PRKAR1A: variants seen among roughly 807,000 people sequenced by gnomAD.
PRKAR1A encodes cAMP-dependent protein kinase type I-alpha regulatory subunit.
PRKAR1A carries 3 observed loss-of-function variants against 52.0 expected under a neutral mutation model. The observed-to-expected ratio is 0.06, with a 90% CI of 0.03 to 0.15. The LOEUF (loss-of-function observed/expected upper bound fraction) is 0.15. Ranked by LOEUF, PRKAR1A falls within the 10% of genes least tolerant of loss-of-function variation. PRKAR1A has a pLI of 1.00. For missense variants in PRKAR1A, 240 were observed against 477.4 expected (o/e 0.50, Z 4.63); for synonymous variants, 188 against 168.4 (o/e 1.12, Z -0.90).
the PRKAR1A span, chr17:68,429,918 G>A: frequency 1.3e-6 from 2 of 1,595,900 alleles, no homozygotes; most frequent in Admixed American, 3.6e-5. Context: ...TTCTTTTCAG[G>A]TTTGGGGATT....
chr17:68,530,888 C>T lies in PRKAR1A; in HGVS notation c.*439C>T, dbSNP rs927653095. ...TTTCTTTGTAGAATAAATGGTTTCT[C>T]ATTAAACTCTAAAGATTAGGGAAAA... is the stretch of plus-strand genomic sequence containing the variant. On this transcript the variant is annotated 3_prime_UTR_variant, in exon 11 of 11. Transcript: ENST00000589228. 3.5e-6 allele frequency: 4 copies of T among 1,130,260 alleles called. No individual in the cohort carries two copies. Among genetic ancestry groups the T allele is most frequent in the East Asian group, 4.1e-5 (1 of 24,566 alleles). 70.0% of individuals were successfully genotyped at this position (1,130,260 alleles called of 1,614,324 possible).
intron 1 of PRKAR1A, among the ~76,000 whole-genome samples, chr17:68,514,065 T>C (rs1446375204): frequency 6.6e-6 from 1 of 152,206 alleles, no homozygotes; most frequent in Non-Finnish European, 1.5e-5. Context: ...AATGCGCGTT[T>C]TTGTTTTTGT....
At chr17:68,536,999 T>C (rs774195501), downstream of PRKAR1A, 1 of 454,748 alleles carries the variant, frequency 2.2e-6, no homozygotes, top group East Asian at 6.9e-5. Flanking sequence ...CTGTCAGAGT[T>C]ACTGTTGCCT....
At chr17:68,502,678 G>A in the PRKAR1A span, among the ~76,000 whole-genome samples, 1 of 151,374 alleles carries the variant, frequency 6.6e-6, no homozygotes, top group African/African-American at 2.4e-5. Context: ...CTTGAACCTG[G>A]GAGGTGGAGG....
At chr17:68,426,262 A>G in the PRKAR1A span, 5 of 1,017,754 alleles carry the variant, frequency 4.9e-6, no homozygotes, top group East Asian at 2.5e-5. Flanking sequence ...GGGCTCAAAT[A>G]AAGGGCAAAG....
At chr17:68,514,519 G>T (rs2085368753) in intron 1 of PRKAR1A, among the ~76,000 whole-genome samples, 1 of 152,044 alleles carries the variant, frequency 6.6e-6, no homozygotes, top group African/African-American at 2.4e-5. Context: ...TTACATAAAG[G>T]TACCATAATT....
downstream of PRKAR1A, chr17:68,536,701 G>A (rs897602539): frequency 1.1e-5 from 5 of 453,860 alleles, no homozygotes; most frequent in Non-Finnish European, 2.2e-5. Flanking sequence ...TGCTAGGCCT[G>A]TTCCCATGCC....
At chr17:68,483,647 A>G in the PRKAR1A span, among the ~76,000 whole-genome samples, 1 of 152,200 alleles carries the variant, frequency 6.6e-6, no homozygotes, top group Non-Finnish European at 1.5e-5. Context: ...GGATCACCTG[A>G]GGTCAGGAGT....
At chr17:68,466,398 G>GT in the PRKAR1A span, among the ~76,000 whole-genome samples, 2 of 142,356 alleles carry the variant, frequency 1.4e-5, no homozygotes, top group South Asian at 4.5e-4. Flanking sequence ...TGTTATTTAT[G>GT]TTTTCTCTCT....
downstream of PRKAR1A, among the ~76,000 whole-genome samples, chr17:68,534,843 G>A (rs2086059662): frequency 6.6e-6 from 1 of 152,070 alleles, no homozygotes; most frequent in Admixed American, 6.6e-5. Context: ...TGTATTGATC[G>A]GTCAATAAAA....
At chr17:68,475,058 C>G in the PRKAR1A span, among the ~76,000 whole-genome samples, 1 of 152,154 alleles carries the variant, frequency 6.6e-6, no homozygotes, top group African/African-American at 2.4e-5. Flanking sequence ...ATTTAATGCA[C>G]TTTTAGCATA....
At chr17:68,424,343 G>A in the PRKAR1A span, 1 of 485,040 alleles carries the variant, frequency 2.1e-6, no homozygotes, top group South Asian at 1.5e-5. Context: ...CCCCAGCCCT[G>A]CATGCAGGGC....
the PRKAR1A span, among the ~76,000 whole-genome samples, chr17:68,450,210 G>A: frequency 0.022 from 3,335 of 152,236 alleles, 106 homozygotes; most frequent in African/African-American, 0.075. Context: ...AAAGAAAAAT[G>A]AGAACCCAAG....
the PRKAR1A span, among the ~76,000 whole-genome samples, chr17:68,469,702 G>A: frequency 6.6e-6 from 1 of 151,860 alleles, no homozygotes; most frequent in Non-Finnish European, 1.5e-5. Context: ...CAAGCTTTTG[G>A]ATGCTCTTTA....
At chr17:68,426,253 G>GGGGGGGGGGGGGGGGGGGGGGA in the PRKAR1A span, 1 of 841,018 alleles carries the variant, frequency 1.2e-6, no homozygotes, top group Non-Finnish European at 1.9e-6. Context: ...GGGGAGCGGG[G>GGGGGGGGGGGGGGGGGGGGGGA]GCTCAAATAA....
downstream of PRKAR1A, chr17:68,537,821 C>A: frequency 6.8e-7 from 1 of 1,465,538 alleles, no homozygotes; most frequent in South Asian, 1.2e-5. This position sits in a 1 kb window ranked among gnomAD's most constrained non-coding sequence, Gnocchi z 4.2. Flanking sequence ...CCACAAACAG[C>A]TGTTGTAGCT....
intron 1 of PRKAR1A, chr17:68,514,876 A>G: frequency 6.4e-6 from 1 of 157,002 alleles, no homozygotes; most frequent in Non-Finnish European, 1.4e-5. Flanking sequence ...GGCTAATCAG[A>G]TCCTCACTCC....
upstream of PRKAR1A, among the ~76,000 whole-genome samples, chr17:68,507,313 C>T (rs2085210313): frequency 6.6e-6 from 1 of 152,198 alleles, no homozygotes; most frequent in African/African-American, 2.4e-5. Flanking sequence ...GAATGCTATG[C>T]AGCCATAAAA....
intron 2 of PRKAR1A, among the ~76,000 whole-genome samples, chr17:68,517,095 T>G (rs1363411999): frequency 6.6e-6 from 1 of 152,250 alleles, no homozygotes; most frequent in African/African-American, 2.4e-5. Flanking sequence ...CAATAAATAA[T>G]TATTAAAATG....
Sources: gnomAD v4.1 joint callset for allele counts (sites outside exome capture counted in the v4.1 genomes callset) on GRCh38, gnomAD v4.1.1 for gene constraint, Gnocchi (gnomAD v3.1) non-coding constraint, MANE v1.5 for transcripts, NCBI Gene and HGNC (gene_info 2026-07-23, HGNC 2026-07-21) for gene names.